Variants in KIAA1217 observed in about 807,000 individuals in gnomAD.
The protein encoded by KIAA1217 is sickle tail protein homolog.
KIAA1217 carries 88 observed loss-of-function variants against 163.9 expected under a neutral mutation model. That is an observed-to-expected ratio of 0.54 (90% CI 0.45 to 0.64). The LOEUF (loss-of-function observed/expected upper bound fraction) is 0.64, where lower values mean the gene tolerates loss of function less well. Among genes scored for constraint, KIAA1217 ranks in the 30% least tolerant of loss-of-function variants. The pLI is 0.00. For synonymous variants in KIAA1217, 903 were observed against 923.1 expected (o/e 0.98, Z 0.39); for missense variants, 2,372 against 2,475.0 (o/e 0.96, Z 0.88).
intron 2 of KIAA1217, among the ~76,000 whole-genome samples, chr10:24,238,809 ATT>A (rs898223412): frequency 9.2e-5 from 14 of 152,312 alleles, no homozygotes; most frequent in African/African-American, 3.4e-4. Flanking sequence ...TCTTCCACCA[ATT>A]AAGTGCATTG....
chr10:24,442,196 A>T (rs2060552876), intron 5 of KIAA1217, among the ~76,000 whole-genome samples: 1 of 151,972 alleles, frequency 6.6e-6, no homozygotes, highest in Non-Finnish European at 1.5e-5. Flanking sequence ...TTTGTATTTG[A>T]CACCAGTGAA....
chr10:24,546,124 T>C lies in KIAA1217; in HGVS notation c.5632T>C (p.Phe1878Leu), dbSNP rs200258057. 34 of 1,614,070 alleles carry C rather than the reference T, an allele frequency of 2.1e-5. No homozygotes were observed. Among genetic ancestry groups the C allele is most frequent in the Middle Eastern group, 1.6e-4 (1 of 6,084 alleles). The part of the protein sequence containing the change: ...THTGKGHHLS[F>L]SPQSQNGRAP... ...TACAGGTAAAGGTCACCATCTTTCA[T>C]TCTCACCGCAGAGTCAAAATGGCCG... Residue 1878 changes from phenylalanine (F) to leucine (L), a missense_variant, in exon 21 of 21, where the codon TTC (phenylalanine) becomes CTC (leucine). Transcript: ENST00000376454.
At chr10:24,098,713 C>T (rs1242561979) in intron 2 of KIAA1217, among the ~76,000 whole-genome samples, 5 of 130,602 alleles carry the variant, frequency 3.8e-5, no homozygotes, top group Admixed American at 3.6e-4. Context: ...ACCCTCCCCT[C>T]TGAAGGGGAG....
chr10:24,503,886 T>TA (rs1009258368), intron 9 of KIAA1217, among the ~76,000 whole-genome samples: 1 of 152,198 alleles, frequency 6.6e-6, no homozygotes, highest in African/African-American at 2.4e-5. Context: ...AAGAAAAACA[T>TA]ACATATCATT....
intron 1 of KIAA1217, among the ~76,000 whole-genome samples, chr10:23,916,348 C>T (rs1414249117): frequency 1.3e-5 from 2 of 152,188 alleles, no homozygotes; most frequent in African/African-American, 4.8e-5. Context: ...GCCTGTCTTA[C>T]TCTGGCTCTA....
chr10:24,511,152 C>CAAA (rs58529942), intron 9 of KIAA1217, among the ~76,000 whole-genome samples: 1 of 34,510 alleles, frequency 2.9e-5, no homozygotes, highest in African/African-American at 1.9e-4. Context: ...GACTCTGTCT[C>CAAA]AAAAAAAAAA....
At chr10:24,516,908 C>A (rs1049609723) in intron 10 of KIAA1217, among the ~76,000 whole-genome samples, 2 of 152,084 alleles carry the variant, frequency 1.3e-5, no homozygotes, top group Non-Finnish European at 2.9e-5. Flanking sequence ...GCCTGTAACC[C>A]CAGCACTTTG....
In KIAA1217 at chr10:23,805,064, T is replaced by C. The variant is rs182869559; in HGVS notation, c.-321+109830T>C. On this transcript the variant is annotated intron_variant, in intron 1 of 18. Transcript: ENST00000376462. ...TATAAATTGTTGGTGGGAGTATAAA[T>C]TAGTTCAAGTATTGTGGAAGACAGT... Among the ~76,000 whole-genome samples the C allele has an allele frequency of 5.3e-5, 8 of 152,264 alleles. No individual in the cohort carries two copies. The East Asian group carries it at 1.2e-3, about 22-fold the overall frequency.
At chr10:24,054,931 C>T (rs1232666503) in intron 2 of KIAA1217, among the ~76,000 whole-genome samples, 4 of 152,072 alleles carry the variant, frequency 2.6e-5, no homozygotes, top group African/African-American at 9.7e-5. Context: ...TTGTCCTTAA[C>T]CAAAATTTTG....
chr10:24,077,091 G>A (rs1233575196), intron 2 of KIAA1217, among the ~76,000 whole-genome samples: 1 of 152,026 alleles, frequency 6.6e-6, no homozygotes, highest in African/African-American at 2.4e-5. Flanking sequence ...TGGTCAGGCT[G>A]GTCTTGAACC....
intron 16 of KIAA1217, among the ~76,000 whole-genome samples, chr10:24,536,317 A>C (rs1014475702): frequency 2.0e-5 from 3 of 152,210 alleles, no homozygotes; most frequent in Non-Finnish European, 4.4e-5. Context: ...GATTGCTAAG[A>C]GTACTTTTAT....
In KIAA1217 at chr10:24,490,062, G is replaced by A. The variant is rs546885869; in HGVS notation, c.1680-4438G>A. Among the ~76,000 whole-genome samples, 10 of 152,084 alleles carry A rather than the reference G, an allele frequency of 6.6e-5. No homozygotes were observed. In the East Asian group the frequency reaches 1.9e-3, roughly 29 times the overall value. ...TTAGAGTAATCGGACTTTTAACACT[G>A]GAAACAGCACTTCCCTGAATTTGAC... On this transcript the variant is annotated intron_variant, in intron 6 of 20. Transcript: ENST00000376454.
At chr10:23,879,494 A>G (rs1840854551) in intron 1 of KIAA1217, among the ~76,000 whole-genome samples, 1 of 151,932 alleles carries the variant, frequency 6.6e-6, no homozygotes, top group South Asian at 2.1e-4. Context: ...GATTAAATAT[A>G]TCAACAATGC....
intron 3 of KIAA1217, among the ~76,000 whole-genome samples, chr10:24,425,298 A>C (rs2059090772): frequency 6.6e-6 from 1 of 152,208 alleles, no homozygotes; most frequent in Admixed American, 6.5e-5. Context: ...GTCATCAGGT[A>C]TTTCAGGAGA....
intron 2 of KIAA1217, among the ~76,000 whole-genome samples, chr10:24,198,931 T>C (rs919239208): frequency 1.3e-5 from 2 of 151,990 alleles, no homozygotes; most frequent in Admixed American, 6.5e-5. Flanking sequence ...CAGTATTACA[T>C]GAACAAGCCA....
rs138809252 is a variant in KIAA1217, at chr10:24,451,260, G to T, written c.846+12781G>T. Among the ~76,000 whole-genome samples, 17 of 152,328 alleles carry T rather than the reference G, an allele frequency of 1.1e-4. No individual in the cohort carries two copies. In the East Asian group the frequency reaches 3.3e-3, roughly 29 times the overall value. ...GTGAGCTTGATTTGGGAGCAAGAAA[G>T]TATCTTTGAATGGAGACTGGCTAAC... On this transcript the variant is annotated intron_variant, in intron 5 of 20. Coordinates refer to ENST00000376454, the MANE Select transcript of KIAA1217 (RefSeq NM_019590.5).
At chr10:24,335,988 C>G (rs539507590) in intron 2 of KIAA1217, among the ~76,000 whole-genome samples, 51 of 152,362 alleles carry the variant, frequency 3.3e-4, no homozygotes, top group African/African-American at 1.2e-3. Context: ...CGCCTGTAAT[C>G]CCAGCACTTT....
intron 1 of KIAA1217, among the ~76,000 whole-genome samples, chr10:23,832,545 C>T (rs1406378087): frequency 6.6e-6 from 1 of 152,154 alleles, no homozygotes; most frequent in Non-Finnish European, 1.5e-5. Flanking sequence ...TTCCAACCCT[C>T]TAATAACATG....
intron 2 of KIAA1217, among the ~76,000 whole-genome samples, chr10:24,348,186 A>G (rs143534534): frequency 8.0e-4 from 122 of 152,214 alleles, no homozygotes; most frequent in African/African-American, 2.8e-3. Flanking sequence ...GTGAAACCCC[A>G]TTACTGAAAA....
Sources: gnomAD v4.1 joint callset for allele counts (sites outside exome capture counted in the v4.1 genomes callset) on GRCh38, gnomAD v4.1.1 for gene constraint, MANE v1.5 for transcripts, NCBI Gene and HGNC (gene_info 2026-07-23, HGNC 2026-07-21) for gene names.